The following FMN2 variants were observed in gnomAD, a reference collection of about 807,000 sequenced individuals.
FMN2 encodes formin 2.
In FMN2, 51 loss-of-function variants were observed where a neutral mutation model predicts 142.3. The observed-to-expected ratio is 0.36, with a 90% confidence interval of 0.29 to 0.45. The LOEUF (loss-of-function observed/expected upper bound fraction) is 0.45. Among genes scored for constraint, FMN2 ranks in the 20% least tolerant of loss-of-function variants. The probability of loss-of-function intolerance (pLI) is 1.00; values close to 1 mark genes in which losing one functional copy is unlikely to be tolerated. For missense variants in FMN2, 1,936 were observed against 2,122.8 expected, an observed-to-expected ratio of 0.91 and a Z score of 1.73; for synonymous variants, 882 against 869.8, an observed-to-expected ratio of 1.01 and a Z score of -0.25.
intron 14 of FMN2, among the ~76,000 whole-genome samples, chr1:240,377,895 A>G (rs1290292340): frequency 6.6e-6 from 1 of 152,070 alleles, no homozygotes. Flanking sequence ...TTCCCATGTA[A>G]TATAACATAT....
chr1:240,216,608 G>A (rs989067942), intron 6 of FMN2, among the ~76,000 whole-genome samples: 15 of 152,122 alleles, frequency 9.9e-5, no homozygotes, highest in African/African-American at 3.6e-4. Context: ...GGTAATAAAA[G>A]GATTTGTTAG....
rs200499808 is a variant in FMN2 at position 240,207,203 on chromosome 1, G to C, written c.2391G>C (p.Gln797His). 21 of 1,613,988 alleles carry C rather than the reference G, an allele frequency of 1.3e-5. No homozygotes were observed. Among genetic ancestry groups the C allele is most frequent in the Non-Finnish European group, 1.7e-5 (20 of 1,179,940 alleles). Residue 797 changes from glutamine (Q) to histidine (H), a missense_variant, in exon 5 of 18, where the codon CAG (glutamine) becomes CAC (histidine). By Grantham distance (24) the Gln-to-His change is conservative. Transcript: ENST00000319653. Reference protein sequence around the residue: ...LIVSPRRISVQLDSHQPTQSI... With the variant: ...LIVSPRRISVHLDSHQPTQSI... ...TGTCTCCAAGGCGAATATCAGTCCA[G>C]CTCGACAGCCATCAGCCCACACAGA...
chr1:240,474,102 C>G (rs752384367), intron 17 of FMN2, 26 bp from the exon 18 acceptor site: 73 of 1,551,764 alleles, frequency 4.7e-5, no homozygotes, highest in Non-Finnish European at 6.2e-5. Flanking sequence ...CTAACTAAAA[C>G]TTTTATCTGG....
intron 2 of FMN2, among the ~76,000 whole-genome samples, chr1:240,153,883 A>G (rs1209165323): frequency 6.6e-6 from 1 of 152,062 alleles, no homozygotes; most frequent in East Asian, 1.9e-4. Context: ...TGGGAGGCCA[A>G]GGAGGGTGGA....
At chr1:240,100,513 A>G (rs918309906) in intron 1 of FMN2, among the ~76,000 whole-genome samples, 18 of 152,212 alleles carry the variant, frequency 1.2e-4, no homozygotes. Flanking sequence ...TCAGTTCGGA[A>G]TGGTAGTAAA....
At chr1:240,140,724 C>T (rs1264337898) in intron 2 of FMN2, among the ~76,000 whole-genome samples, 2 of 152,120 alleles carry the variant, frequency 1.3e-5, no homozygotes, top group African/African-American at 4.8e-5. Context: ...TCCTGATTTG[C>T]CTATCAAACA....
chr1:240,401,139 A>C (rs1312261362), intron 15 of FMN2: 2 of 137,052 alleles, frequency 1.5e-5, no homozygotes, highest in Non-Finnish European at 3.2e-5. Context: ...AAAAAAAAAA[A>C]ACATAGACAT....
chr1:240,473,937 G>A lies in FMN2; in HGVS notation c.5143-191G>A, dbSNP rs1367600742. Among the ~76,000 whole-genome samples the A allele has an allele frequency of 2.7e-5, 4 of 146,696 alleles. No individual in the cohort carries two copies. The highest frequency in any genetic ancestry group is 3.0e-5 in the Non-Finnish European group (2 of 65,780). ...TTTTCTCAAAAGTATTTGGCGATTTGTCTTGATAAAAGTGCTCAAAGATAA... is the reference window on the plus strand; with the variant it reads ...TTTTCTCAAAAGTATTTGGCGATTTATCTTGATAAAAGTGCTCAAAGATAA... On this transcript the variant is annotated intron_variant, in intron 17 of 17. Coordinates refer to ENST00000319653, the MANE Select transcript of FMN2 (RefSeq NM_020066.5). This position sits in a 1 kb window ranked among gnomAD's most constrained non-coding sequence, Gnocchi z 4.3.
intron 15 of FMN2, among the ~76,000 whole-genome samples, chr1:240,404,535 C>T (rs1292264173): frequency 6.6e-6 from 1 of 152,138 alleles, no homozygotes; most frequent in Non-Finnish European, 1.5e-5. Context: ...TGTTATTTCC[C>T]AATTTGGATT....
intron 4 of FMN2, among the ~76,000 whole-genome samples, chr1:240,200,055 A>G (rs549809755): frequency 2.6e-4 from 39 of 152,290 alleles, no homozygotes; most frequent in African/African-American, 9.1e-4. Flanking sequence ...TGAGAATCTG[A>G]TAGGCTCTAT....
intron 15 of FMN2, among the ~76,000 whole-genome samples, chr1:240,409,654 T>G (rs2103123343): frequency 6.6e-6 from 1 of 152,362 alleles, no homozygotes; most frequent in Non-Finnish European, 1.5e-5. Context: ...ACAGGCACAA[T>G]TATTCAGCAT....
intron 4 of FMN2, among the ~76,000 whole-genome samples, chr1:240,190,925 A>G (rs1312206504): frequency 6.6e-6 from 1 of 152,184 alleles, no homozygotes; most frequent in Non-Finnish European, 1.5e-5. Flanking sequence ...TGTAAAAAAA[A>G]TTATTTTTCA....
At chr1:240,323,146 CCTTTCT>C (rs772894290) in intron 8 of FMN2, among the ~76,000 whole-genome samples, 24 of 149,686 alleles carry the variant, frequency 1.6e-4, no homozygotes, top group African/African-American at 3.9e-4. Flanking sequence ...CTTTTCCTTT[CCTTTCT>C]CTTTCTCTTT....
chr1:240,365,214 TAC>T (rs1364148508), intron 14 of FMN2, among the ~76,000 whole-genome samples: 1 of 132,948 alleles, frequency 7.5e-6, no homozygotes, highest in African/African-American at 3.3e-5. Context: ...TGTATATATA[TAC>T]ACACAGACAC....
chr1:240,157,161 A>G (rs2103284020), intron 2 of FMN2, among the ~76,000 whole-genome samples: 1 of 152,332 alleles, frequency 6.6e-6, no homozygotes, highest in East Asian at 1.9e-4. Context: ...TGCTGTGTTA[A>G]TAGCTAATAC....
At chr1:240,151,920 C>T (rs1276534385) in intron 2 of FMN2, among the ~76,000 whole-genome samples, 1 of 152,090 alleles carries the variant, frequency 6.6e-6, no homozygotes, top group South Asian at 2.1e-4. Context: ...ATGTGCACCA[C>T]CTAGCCAATC....
intron 8 of FMN2, among the ~76,000 whole-genome samples, chr1:240,299,118 T>C (rs929266795): frequency 6.6e-6 from 1 of 152,056 alleles, no homozygotes; most frequent in African/African-American, 2.4e-5. Context: ...GGGCTAATTT[T>C]TGTATTTTTA....
In FMN2 at chr1:240,289,307, G is replaced by A. The variant is rs180921660; in HGVS notation, c.4154-5515G>A. Among the ~76,000 whole-genome samples, 584 of 152,112 alleles carry A rather than the reference G, an allele frequency of 3.8e-3. 11 individuals carry two copies. Among genetic ancestry groups the A allele is most frequent in the Non-Finnish European group, 2.5e-3 (169 of 68,012 alleles). ...CTGATTTTAAAAAATATCAATGTAA[G>A]GCATGTACTAACACTGTTCCATAGC... On this transcript the variant is annotated intron_variant, in intron 7 of 17. Coordinates refer to ENST00000319653, the MANE Select transcript of FMN2 (RefSeq NM_020066.5).
At chr1:240,468,249 T>TATATACGTATGCACACACAC (rs1676690841) in intron 16 of FMN2, among the ~76,000 whole-genome samples, 1 of 136,756 alleles carries the variant, frequency 7.3e-6, no homozygotes, top group Non-Finnish European at 1.5e-5. Context: ...CACACACACA[T>TATATACGTATGCACACACAC]ATATACATAT....
Sources: allele counts gnomAD v4.1 joint callset (sites outside exome capture counted in the v4.1 genomes callset), GRCh38; gene constraint gnomAD v4.1.1; non-coding constraint Gnocchi (gnomAD v3.1); transcripts MANE v1.5; gene names NCBI Gene and HGNC (gene_info 2026-07-23, HGNC 2026-07-21).